MLPH: variants seen among roughly 807,000 people sequenced by gnomAD.
The protein encoded by MLPH is melanophilin, also known as exophilin-3.
In MLPH, 51 loss-of-function variants were observed where a neutral mutation model predicts 72.1. That is an observed-to-expected ratio of 0.71 (90% CI 0.56 to 0.89). The LOEUF is 0.89. Ranked by LOEUF, MLPH falls within the 40% of genes least tolerant of loss-of-function variation. The pLI is 0.00. For missense variants in MLPH, 743 were observed against 759.9 expected, an observed-to-expected ratio of 0.98 and a Z score of 0.26; for synonymous variants, 301 against 310.1, an observed-to-expected ratio of 0.97 and a Z score of 0.31.
chr2:237,502,895 G>T (rs2079681523), intron 2 of MLPH, among the ~76,000 whole-genome samples: 1 of 152,148 alleles, frequency 6.6e-6, no homozygotes. Flanking sequence ...GAGGCAGGTG[G>T]TTCACCTGAG....
intron 4 of MLPH, 166 bp downstream of exon 4, chr2:237,511,267 C>CTT (rs369873696): frequency 3.3e-4 from 156 of 478,218 alleles, no homozygotes; most frequent in East Asian, 4.5e-4. Context: ...CTTCTGGCTG[C>CTT]TTTTTTTTTT....
chr2:237,520,128 G>C (rs1366025994), intron 6 of MLPH, 99 bp downstream of exon 6: 1 of 1,529,618 alleles, frequency 6.5e-7, no homozygotes, highest in Non-Finnish European at 9.0e-7. Context: ...AGCAGTGTCT[G>C]ATGGCCACAC....
chr2:237,525,522 G>A, intron 6 of MLPH, 79 bp from the exon 7 acceptor site: 1 of 1,461,796 alleles, frequency 6.8e-7, no homozygotes, highest in Non-Finnish European at 9.5e-7. Context: ...CTCAGGGCTT[G>A]GATTGAAAGA....
chr2:237,532,570 T>C (rs889828201), intron 8 of MLPH, among the ~76,000 whole-genome samples: 34 of 152,238 alleles, frequency 2.2e-4, no homozygotes, highest in African/African-American at 7.7e-4. Flanking sequence ...ATTTTGTTGG[T>C]TTGCTTTAAT....
At chr2:237,547,281 A>G (rs2080941307) in intron 13 of MLPH, among the ~76,000 whole-genome samples, 1 of 152,244 alleles carries the variant, frequency 6.6e-6, no homozygotes, top group African/African-American at 2.4e-5. Context: ...TGTGAGCGGG[A>G]CCCACAGATG....
intron 12 of MLPH, chr2:237,545,524 A>T: frequency 7.8e-7 from 1 of 1,289,096 alleles, no homozygotes; most frequent in Non-Finnish European, 1.0e-6. Context: ...GACAGTGTAA[A>T]ATCCAAAAGG....
At chr2:237,552,187 A>G (rs976057258) in intron 14 of MLPH, 150 bp from the exon 15 acceptor site, 2 of 649,198 alleles carry the variant, frequency 3.1e-6, no homozygotes, top group South Asian at 1.7e-5. Context: ...AAATGTAAAT[A>G]CTTTTTAAAA....
At chr2:237,495,201 T>C (rs1217297189) in intron 2 of MLPH, among the ~76,000 whole-genome samples, 2 of 152,206 alleles carry the variant, frequency 1.3e-5, no homozygotes, top group African/African-American at 4.8e-5. Context: ...TGCCTTCCTC[T>C]TTCCCCTATG....
At chr2:237,490,720 C>T (rs1360726709) in intron 1 of MLPH, among the ~76,000 whole-genome samples, 1 of 152,100 alleles carries the variant, frequency 6.6e-6, no homozygotes, top group Non-Finnish European at 1.5e-5. Context: ...GAATGAACTC[C>T]AGTCATGCAT....
intron 2 of MLPH, among the ~76,000 whole-genome samples, chr2:237,499,761 G>T (rs10200848): frequency 0.27 from 40,274 of 151,736 alleles, 9,710 homozygotes; most frequent in African/African-American, 0.64. Context: ...TGTTTGTTTT[G>T]TGAGACAGGG....
chr2:237,514,893 C>T (rs2079981199), intron 4 of MLPH, among the ~76,000 whole-genome samples: 1 of 152,226 alleles, frequency 6.6e-6, no homozygotes, highest in African/African-American at 2.4e-5. Flanking sequence ...AGCATCTTCC[C>T]AGACATTCCT....
At chr2:237,518,473 G>A in intron 4 of MLPH, 66 bp from the exon 5 acceptor site, 1 of 1,314,294 alleles carries the variant, frequency 7.6e-7, no homozygotes. Flanking sequence ...TGGGTGGATG[G>A]GCTGACAAAT....
At position 237,542,659 on chromosome 2, in the gene MLPH, G is replaced by A. The variant is rs151070956; in HGVS notation, c.1539G>A (p.Pro513=). ...SGKPRRKSNL[P]IFLPRVAGKL... is the part of the protein sequence containing the mutation. ...AGCCCCGGAGGAAGTCAAACCTCCC[G>A]GTGAGTGGGGGGCAGTGGTGAGTGG... Residue 513 remains proline (P), a splice_region_variant and synonymous_variant, in exon 12 of 16, where the codon CCG becomes CCA. Transcript: ENST00000264605. 1.4e-5 allele frequency: 22 copies of A among 1,567,518 alleles called. No individual in the cohort carries two copies. The highest frequency in any genetic ancestry group is 9.5e-5 in the African/African-American group (7 of 74,046).
At chr2:237,546,357 T>A in intron 12 of MLPH, 1 of 535,482 alleles carries the variant, frequency 1.9e-6, no homozygotes, top group African/African-American at 1.9e-5. Flanking sequence ...TTGTGGAGTC[T>A]CAAGATTTGT....
At chr2:237,511,465 C>G (rs1241391945) in intron 4 of MLPH, 1 of 290,994 alleles carries the variant, frequency 3.4e-6, no homozygotes, top group East Asian at 8.9e-5. Flanking sequence ...CTGGCCTGGT[C>G]TGAGCACCTC....
At chr2:237,549,389 A>C in intron 14 of MLPH, 111 bp downstream of exon 14, 87 of 1,056,096 alleles carry the variant, frequency 8.2e-5, no homozygotes, top group Non-Finnish European at 1.2e-4. Context: ...GACATATCTC[A>C]TGTCCTGACT....
At chr2:237,532,260 C>T (rs904000042) in intron 8 of MLPH, among the ~76,000 whole-genome samples, 2 of 152,360 alleles carry the variant, frequency 1.3e-5, no homozygotes, top group East Asian at 1.9e-4. Context: ...TATCACAGCT[C>T]ATCTGAGGGG....
chr2:237,519,995 T>A lies in MLPH; in HGVS notation c.641T>A (p.Leu214Gln). 6.2e-7 allele frequency: 1 copy of A among 1,614,068 alleles called. No homozygotes were observed. The highest frequency in any genetic ancestry group is 1.3e-5 in the African/African-American group (1 of 75,048). The change falls in exon 6 of 16, where the codon CTG becomes CAG. Residue 214 changes from leucine (L) to glutamine (Q), a missense_variant. Transcript: ENST00000264605. ...STQPQGHSLHLSSVPEARDSP... is the reference protein window; with the variant it reads ...STQPQGHSLHQSSVPEARDSP... ...CAGCCTCAAGGTCACTCCCTGCACC[T>A]GTCCTCAGTCCCTGAGGCCAGGGAC...
intron 9 of MLPH, among the ~76,000 whole-genome samples, chr2:237,539,262 G>A (rs907188289): frequency 6.6e-6 from 1 of 152,238 alleles, no homozygotes; most frequent in African/African-American, 2.4e-5. Context: ...CTGGGAGAAG[G>A]CGGTGGTCGA....
Sources: gnomAD v4.1 joint callset for allele counts (sites outside exome capture counted in the v4.1 genomes callset) on GRCh38, gnomAD v4.1.1 for gene constraint, MANE v1.5 for transcripts, NCBI Gene and HGNC (gene_info 2026-07-23, HGNC 2026-07-21) for gene names.